Variants in IL1RAPL1 observed in about 807,000 individuals in gnomAD.
IL1RAPL1 encodes interleukin 1 receptor accessory protein like 1, also known as interleukin-1 receptor accessory protein-like 1.
A neutral mutation model predicts 48.4 loss-of-function variants in IL1RAPL1; 3 were observed. That is an observed-to-expected ratio of 0.06 (90% CI 0.03 to 0.16). IL1RAPL1 has a LOEUF of 0.16. IL1RAPL1 is among the 10% of genes least tolerant of loss of function. The pLI, the probability that IL1RAPL1 is intolerant of heterozygous loss-of-function variation, is 1.00. For missense variants in IL1RAPL1, 349 were observed against 530.6 expected, an observed-to-expected ratio of 0.66 and a Z score of 3.36; for synonymous variants, 185 against 187.7, an observed-to-expected ratio of 0.99 and a Z score of 0.12.
intron 2 of IL1RAPL1, among the ~76,000 whole-genome samples, chrX:28,796,447 TG>T (rs891816251): frequency 3.6e-5 from 4 of 111,549 alleles, no homozygotes; most frequent in African/African-American, 1.3e-4. Context: ...CTAGATACAA[TG>T]GGGGTACAAG....
chrX:29,272,573 C>A (rs1261837986), intron 2 of IL1RAPL1, among the ~76,000 whole-genome samples: 1 of 111,249 alleles, frequency 9.0e-6, no homozygotes, highest in Non-Finnish European at 1.9e-5. Context: ...TTCTCTCTAG[C>A]TGCCTTTAAC....
At chrX:29,693,878 A>G (rs1926842285) in intron 6 of IL1RAPL1, among the ~76,000 whole-genome samples, 2 of 109,556 alleles carry the variant, frequency 1.8e-5, no homozygotes, top group Admixed American at 2.0e-4. Context: ...GGAATTATTG[A>G]TAGGATACTT....
intron 2 of IL1RAPL1, among the ~76,000 whole-genome samples, chrX:28,894,365 A>C (rs1048512774): frequency 9.0e-6 from 1 of 111,329 alleles, no homozygotes; most frequent in East Asian, 2.9e-4. Context: ...TGGAACTGCC[A>C]TCAATAAACC....
intron 6 of IL1RAPL1, among the ~76,000 whole-genome samples, chrX:29,685,541 A>G (rs1393815193): frequency 9.0e-6 from 1 of 111,513 alleles, no homozygotes; most frequent in Non-Finnish European, 1.9e-5. Flanking sequence ...AGGTTTATGT[A>G]GAAATAGAGG....
At chrX:29,881,599 G>T (rs1329493505) in intron 6 of IL1RAPL1, among the ~76,000 whole-genome samples, 2 of 110,225 alleles carry the variant, frequency 1.8e-5, no homozygotes, top group Admixed American at 1.9e-4. Context: ...AGGGGTACAT[G>T]AGATGTTTTG....
chrX:29,372,607 G>A (rs1307679434), intron 3 of IL1RAPL1, among the ~76,000 whole-genome samples: 1 of 110,521 alleles, frequency 9.0e-6, no homozygotes, highest in Non-Finnish European at 1.9e-5. Flanking sequence ...GAAAGGTAGG[G>A]GTCCAGTTTC....
At chrX:29,029,538 G>C (rs1926569253) in intron 2 of IL1RAPL1, among the ~76,000 whole-genome samples, 1 of 111,769 alleles carries the variant, frequency 8.9e-6, no homozygotes, top group Admixed American at 9.5e-5. Flanking sequence ...AGGTGATTTT[G>C]CTTGTGGATA....
chrX:29,904,560 C>G (rs1431218526), intron 6 of IL1RAPL1, among the ~76,000 whole-genome samples: 5 of 109,707 alleles, frequency 4.6e-5, no homozygotes, highest in Non-Finnish European at 7.6e-5. Context: ...GTGTGATGTT[C>G]CCCTCCCTAT....
chrX:28,714,798 AAAG>A (rs769305854), intron 1 of IL1RAPL1, among the ~76,000 whole-genome samples: 55 of 112,077 alleles, frequency 4.9e-4, no homozygotes, highest in Non-Finnish European at 8.3e-4. Context: ...GCTTTTCTGG[AAAG>A]AAGAGGACAT....
At chrX:28,906,698 A>T (rs753853554) in intron 2 of IL1RAPL1, among the ~76,000 whole-genome samples, 73 of 111,632 alleles carry the variant, frequency 6.5e-4, no homozygotes, top group African/African-American at 2.1e-3. Flanking sequence ...ATTTGATTTA[A>T]ACTGATAAAT....
chrX:29,314,812 G>A (rs1051500447), intron 3 of IL1RAPL1, among the ~76,000 whole-genome samples: 1 of 112,214 alleles, frequency 8.9e-6, no homozygotes, highest in African/African-American at 3.2e-5. Flanking sequence ...TACTCTTAAA[G>A]TATCAACTCA....
chrX:28,836,624 T>C (rs1479847682), intron 2 of IL1RAPL1, among the ~76,000 whole-genome samples: 1 of 109,419 alleles, frequency 9.1e-6, no homozygotes, highest in African/African-American at 3.3e-5. Flanking sequence ...TCATAGCCAA[T>C]GAAAGGCTTA....
chrX:28,824,172 A>C (rs5985919), intron 2 of IL1RAPL1, among the ~76,000 whole-genome samples: 359 of 111,501 alleles, frequency 3.2e-3, no homozygotes, highest in Non-Finnish European at 5.3e-3. Context: ...AGCTCCTATT[A>C]CCACTTGAAT....
chrX:29,530,964 A>G (rs1390646195), intron 5 of IL1RAPL1, among the ~76,000 whole-genome samples: 3 of 112,201 alleles, frequency 2.7e-5, no homozygotes, highest in African/African-American at 9.7e-5. Context: ...TCATAAATTT[A>G]CTTTAGAATT....
intron 5 of IL1RAPL1, among the ~76,000 whole-genome samples, chrX:29,444,056 A>G (rs149500621): frequency 1.4e-3 from 161 of 112,643 alleles, no homozygotes; most frequent in Non-Finnish European, 2.0e-3. Context: ...GAAAAGAGAC[A>G]TGTGGCTGGG....
chrX:29,366,544 G>C (rs1933457918), intron 3 of IL1RAPL1, among the ~76,000 whole-genome samples: 1 of 84,276 alleles, frequency 1.2e-5, no homozygotes, highest in Admixed American at 1.4e-4. Flanking sequence ...TGATATTTTT[G>C]ATAGGTCAAT....
At chrX:29,891,734 G>T (rs1415870610) in intron 6 of IL1RAPL1, among the ~76,000 whole-genome samples, 1 of 111,166 alleles carries the variant, frequency 9.0e-6, no homozygotes, top group Non-Finnish European at 1.9e-5. Context: ...AATCTTCCTA[G>T]GTTATCTTAC....
intron 2 of IL1RAPL1, among the ~76,000 whole-genome samples, chrX:29,172,491 G>A (rs1021574622): frequency 1.8e-5 from 2 of 111,539 alleles, no homozygotes; most frequent in African/African-American, 6.5e-5. Flanking sequence ...AGTTACTCTA[G>A]TGAAGCAAAT....
intron 2 of IL1RAPL1, among the ~76,000 whole-genome samples, chrX:28,928,050 A>C (rs1444097632): frequency 9.0e-6 from 1 of 111,306 alleles, no homozygotes; most frequent in Non-Finnish European, 1.9e-5. Context: ...TGTCAAACTT[A>C]ACATAAACAG....
Sources: allele counts gnomAD v4.1 joint callset (sites outside exome capture counted in the v4.1 genomes callset), GRCh38; gene constraint gnomAD v4.1.1; transcripts MANE v1.5; gene names NCBI Gene and HGNC (gene_info 2026-07-23, HGNC 2026-07-21).